The following CXADR variants were observed in gnomAD, a reference collection of about 807,000 sequenced individuals.
The protein encoded by CXADR is coxsackievirus and adenovirus receptor.
Under a neutral mutation model 40.3 loss-of-function variants are expected in CXADR, and 20 were observed. That is an observed-to-expected ratio of 0.50 (90% CI 0.35 to 0.72). CXADR has a LOEUF of 0.72. Ranked by LOEUF, CXADR falls within the 30% of genes least tolerant of loss-of-function variation. The probability of loss-of-function intolerance (pLI) is 0.01; values close to 1 mark genes in which losing one functional copy is unlikely to be tolerated. For synonymous variants in CXADR, 150 were observed against 161.3 expected (o/e 0.93, Z 0.53); for missense variants, 332 against 449.1 (o/e 0.74, Z 2.36).
chr21:17,524,030 G>T (rs1280435112), intron 1 of CXADR, among the ~76,000 whole-genome samples: 1 of 145,502 alleles, frequency 6.9e-6, no homozygotes, highest in African/African-American at 2.7e-5. Flanking sequence ...AGGCGATTTT[G>T]TGTGTGTGTG....
chr21:17,607,199 A>C, the CXADR span, among the ~76,000 whole-genome samples: 1 of 152,178 alleles, frequency 6.6e-6, no homozygotes, highest in African/African-American at 2.4e-5. Flanking sequence ...AGTTTTTAGA[A>C]TTAATGGAAA....
At chr21:17,521,880 C>T (rs778303543) in intron 1 of CXADR, among the ~76,000 whole-genome samples, 2 of 152,186 alleles carry the variant, frequency 1.3e-5, no homozygotes, top group Non-Finnish European at 2.9e-5. Flanking sequence ...TCCTGAACTT[C>T]AGACCTTTTG....
chr21:17,558,836 A>T, intron 3 of CXADR, 140 bp from the exon 4 acceptor site: 1 of 785,442 alleles, frequency 1.3e-6, no homozygotes, highest in Non-Finnish European at 2.0e-6. Context: ...GATGTTGATC[A>T]CTTACTGTGG....
At chr21:17,625,891 T>C in the CXADR span, among the ~76,000 whole-genome samples, 1 of 152,252 alleles carries the variant, frequency 6.6e-6, no homozygotes, top group Non-Finnish European at 1.5e-5. Context: ...AAGGTTGCTT[T>C]TCTTGGAATA....
At position 17,567,169 on chromosome 21, in the gene CXADR, C is replaced by T. The variant is rs188009762; in HGVS notation, c.*1477C>T. On this transcript the variant is annotated 3_prime_UTR_variant, in exon 7 of 7. Transcript: ENST00000284878. The stretch of plus-strand genomic sequence containing the variant: ...ATTTCACTAGCTCTAAAACCTTTCC[C>T]TAGATTTTAGTAGGGAGTTGGTTTC... 1.2e-4 allele frequency: 119 copies of T among 984,932 alleles called. No individual in the cohort carries two copies. The African/African-American group carries it at 2.0e-3, about 16-fold the overall frequency. The allele number at this position is 984,932 out of a possible 1,614,324, so 61.0% of individuals were successfully genotyped here.
chr21:17,626,978 A>G, the CXADR span: 80,100 of 152,076 alleles, frequency 0.53, 23,289 homozygotes, highest in African/African-American at 0.79. Flanking sequence ...CAAGAAGGAA[A>G]GTTTCCTAAC....
chr21:17,623,062 C>T, the CXADR span, among the ~76,000 whole-genome samples: 14 of 152,238 alleles, frequency 9.2e-5, no homozygotes, highest in East Asian at 2.5e-3. Context: ...ACCTCAGCCT[C>T]CTGAGTAGCT....
chr21:17,526,013 A>G (rs904017126), intron 1 of CXADR, among the ~76,000 whole-genome samples: 70 of 152,352 alleles, frequency 4.6e-4, no homozygotes, highest in African/African-American at 1.7e-3. Flanking sequence ...TTTTTTCCCC[A>G]TGTATTCAAA....
the CXADR span, chr21:17,605,008 G>C: frequency 6.2e-7 from 1 of 1,612,020 alleles, no homozygotes; most frequent in South Asian, 1.1e-5. Flanking sequence ...CTACAACAAA[G>C]TGGAGTTACG....
intron 6 of CXADR, among the ~76,000 whole-genome samples, chr21:17,563,940 CA>C (rs35020228): frequency 0.28 from 10,199 of 36,870 alleles, 716 homozygotes; most frequent in South Asian, 0.43. Flanking sequence ...GACTCTGTCT[CA>C]AAAAAAAAAA....
chr21:17,561,728 A>G (rs1273320742), intron 6 of CXADR, among the ~76,000 whole-genome samples: 1 of 152,216 alleles, frequency 6.6e-6, no homozygotes, highest in Non-Finnish European at 1.5e-5. Context: ...GATTATCTCA[A>G]GACTGCCTGC....
At chr21:17,514,389 T>A (rs1389922292) in intron 1 of CXADR, among the ~76,000 whole-genome samples, 1 of 152,092 alleles carries the variant, frequency 6.6e-6, no homozygotes, top group Non-Finnish European at 1.5e-5. Flanking sequence ...ACCTCCACCT[T>A]TTTGATATAT....
intron 1 of CXADR, 115 bp downstream of exon 1, chr21:17,513,287 T>C: frequency 2.0e-6 from 2 of 1,016,686 alleles, no homozygotes; most frequent in South Asian, 3.3e-5. Context: ...TTGGGGGCGC[T>C]GCTGCAGGGG....
chr21:17,526,894 A>T (rs893931836), intron 1 of CXADR, among the ~76,000 whole-genome samples: 3 of 152,174 alleles, frequency 2.0e-5, no homozygotes, highest in Non-Finnish European at 4.4e-5. Context: ...ATTGAAGAGG[A>T]AGAGAAGCGA....
At chr21:17,573,462 A>C (rs2061295869), downstream of CXADR, among the ~76,000 whole-genome samples, 1 of 152,222 alleles carries the variant, frequency 6.6e-6, no homozygotes, top group Admixed American at 6.5e-5. Flanking sequence ...TTTCAATGGC[A>C]TAATAACAGT....
chr21:17,556,002 A>T (rs1601012100), intron 3 of CXADR, among the ~76,000 whole-genome samples: 1 of 152,334 alleles, frequency 6.6e-6, no homozygotes, highest in Non-Finnish European at 1.5e-5. Flanking sequence ...ATGAAGGAAT[A>T]CGTGTATGGA....
At chr21:17,593,862 T>C, downstream of CXADR, 1 of 522,956 alleles carries the variant, frequency 1.9e-6, no homozygotes, top group East Asian at 3.4e-5. Flanking sequence ...AAGTCCAATA[T>C]TAAAAACTTA....
chr21:17,612,372 G>A, the CXADR span: 1 of 152,288 alleles, frequency 6.6e-6, no homozygotes, highest in African/African-American at 2.4e-5. Flanking sequence ...TGGACAGAGG[G>A]TGGGAAGCCG....
At chr21:17,528,819 C>G (rs2060632841) in intron 1 of CXADR, among the ~76,000 whole-genome samples, 1 of 152,090 alleles carries the variant, frequency 6.6e-6, no homozygotes, top group Middle Eastern at 3.2e-3. Flanking sequence ...ATCAGTGAGG[C>G]CTCCAGAGCC....
Sources: allele counts gnomAD v4.1 joint callset (sites outside exome capture counted in the v4.1 genomes callset), GRCh38; gene constraint gnomAD v4.1.1; transcripts MANE v1.5; gene names NCBI Gene and HGNC (gene_info 2026-07-23, HGNC 2026-07-21).